The following RAD54L2 variants were observed in gnomAD, a reference collection of about 807,000 sequenced individuals.
The protein encoded by RAD54L2 is helicase ARIP4.
RAD54L2 carries 27 observed loss-of-function variants against 138.4 expected under a neutral mutation model. That is an observed-to-expected ratio of 0.20 (90% CI 0.14 to 0.27). The LOEUF is 0.27. RAD54L2 is among the 10% of genes least tolerant of loss of function. The pLI is 1.00. For synonymous variants in RAD54L2, 644 were observed against 723.2 expected (o/e 0.89, Z 1.76); for missense variants, 1,396 against 1,890.2 (o/e 0.74, Z 4.85).
chr3:51,549,795 A>AG (rs1236852915), intron 2 of RAD54L2, among the ~76,000 whole-genome samples: 29 of 149,414 alleles, frequency 1.9e-4, no homozygotes, highest in African/African-American at 6.9e-4. Flanking sequence ...AAAAAAAAAA[A>AG]GGGGGTGGGG....
chr3:51,553,536 A>T (rs925557211), intron 2 of RAD54L2, among the ~76,000 whole-genome samples: 1 of 152,212 alleles, frequency 6.6e-6, no homozygotes, highest in African/African-American at 2.4e-5. Flanking sequence ...TATAAAAGTT[A>T]TGTGTACAGG....
chr3:51,571,823 GT>G lies in RAD54L2; in HGVS notation c.-54-18535del, dbSNP rs915063790. Among the ~76,000 whole-genome samples, 20 of 150,960 alleles carry G rather than the reference GT, an allele frequency of 1.3e-4. 1 individual carries two copies. In the Middle Eastern group the frequency reaches 0.01, roughly 78 times the overall value. Reference sequence around the variant, plus strand: ...TTATTTTCCACTTATAGAAATAGGGGTTTTTTTTTACTTCATTTTTTATTAT... The same window carrying G: ...TTATTTTCCACTTATAGAAATAGGGGTTTTTTTTACTTCATTTTTTATTAT... On this transcript the variant is annotated intron_variant, in intron 2 of 22. Coordinates refer to ENST00000684192, the MANE Select transcript of RAD54L2 (RefSeq NM_015106.4).
At chr3:51,659,122 T>C (rs1001308233) in intron 21 of RAD54L2, among the ~76,000 whole-genome samples, 5 of 148,236 alleles carry the variant, frequency 3.4e-5, no homozygotes, top group East Asian at 1.9e-4. Flanking sequence ...TTTTTTTTTT[T>C]TGAGGCAGAG....
intron 3 of RAD54L2, among the ~76,000 whole-genome samples, chr3:51,592,875 A>G (rs1220799038): frequency 2.0e-5 from 3 of 152,148 alleles, no homozygotes; most frequent in Non-Finnish European, 4.4e-5. Flanking sequence ...CCCGGCCTAA[A>G]GCTTTTCTTT....
At chr3:51,598,777 G>T (rs1280450778) in intron 3 of RAD54L2, among the ~76,000 whole-genome samples, 1 of 152,006 alleles carries the variant, frequency 6.6e-6, no homozygotes, top group Non-Finnish European at 1.5e-5. Flanking sequence ...AAACCCTAGA[G>T]GACTGAGTTT....
chr3:51,598,635 A>G (rs555929945), intron 3 of RAD54L2, among the ~76,000 whole-genome samples: 2 of 152,106 alleles, frequency 1.3e-5, no homozygotes, highest in Non-Finnish European at 2.9e-5. Context: ...GCACGCCTGT[A>G]ATCCCAGCTA....
intron 3 of RAD54L2, among the ~76,000 whole-genome samples, chr3:51,614,034 G>GT (rs1338365529): frequency 6.6e-6 from 1 of 152,174 alleles, no homozygotes; most frequent in Admixed American, 6.5e-5. Context: ...AATCCCAAAT[G>GT]TTAGTAGTGC....
chr3:51,571,207 TCAGC>T (rs901009165), intron 2 of RAD54L2, among the ~76,000 whole-genome samples: 5 of 152,136 alleles, frequency 3.3e-5, no homozygotes, highest in Non-Finnish European at 5.9e-5. Context: ...AAAATAAAGG[TCAGC>T]CACTTTTTCC....
Position 51,662,915 on chromosome 3 carries a change from C to G in RAD54L2, c.3899C>G (p.Ser1300Cys), listed in dbSNP as rs757512941. ...GGCGGGTTTGCCATGCCACCCGTCT[C>G]CTTAAACCATAACCTCACCACCCCC... ...VSGGFAMPPVSLNHNLTTPFT... is the reference protein window; with the variant it reads ...VSGGFAMPPVCLNHNLTTPFT... The change falls in exon 23 of 23, where the codon TCC becomes TGC. Residue 1300 changes from serine to cysteine, a missense_variant. Coordinates refer to ENST00000684192, the MANE Select transcript of RAD54L2 (RefSeq NM_015106.4). This position sits in a 1 kb window ranked among gnomAD's most constrained non-coding sequence, Gnocchi z 4.6. The G allele has an allele frequency of 6.2e-7, 1 of 1,613,828 alleles. No individual in the cohort carries two copies. The highest frequency in any genetic ancestry group is 1.1e-5 in the South Asian group (1 of 91,046).
intron 3 of RAD54L2, among the ~76,000 whole-genome samples, chr3:51,613,075 G>T (rs968054191): frequency 6.6e-6 from 1 of 152,022 alleles, no homozygotes; most frequent in Non-Finnish European, 1.5e-5. Flanking sequence ...GAGTAACTGG[G>T]ACTACAGGCG....
chr3:51,547,593 T>C (rs1277309696), intron 2 of RAD54L2, among the ~76,000 whole-genome samples: 1 of 150,950 alleles, frequency 6.6e-6, no homozygotes, highest in Non-Finnish European at 1.5e-5. Context: ...TTTTTTTTTT[T>C]ACATTTGAGA....
At chr3:51,558,885 T>C (rs1371974851) in intron 2 of RAD54L2, among the ~76,000 whole-genome samples, 2 of 152,086 alleles carry the variant, frequency 1.3e-5, no homozygotes, top group African/African-American at 4.8e-5. Flanking sequence ...AAATAGCCTA[T>C]TTATTTTTGA....
At position 51,637,220 on chromosome 3, in the gene RAD54L2, C is replaced by T; in HGVS notation, c.1399C>T (p.Arg467Cys). The change falls in exon 11 of 23, where the codon CGC becomes TGC. Residue 467 changes from arginine (R) to cysteine (C), a missense_variant. By Grantham distance (180) the Arg-to-Cys change is radical (BLOSUM62 -3). This residue lies in a region of RAD54L2 where 169 missense variants were observed against 235.6 expected (regional missense o/e 0.72). Coordinates refer to ENST00000684192, the MANE Select transcript of RAD54L2 (RefSeq NM_015106.4). This position sits in a 1 kb window ranked among gnomAD's most constrained non-coding sequence, Gnocchi z 5.9. ...PDVVICDEGHRIKNCQASTSQ... is the reference protein window; with the variant it reads ...PDVVICDEGHCIKNCQASTSQ... The stretch of plus-strand genomic sequence containing the variant: ...TGTAGTAATCTGTGATGAGGGACAC[C>T]GCATCAAAAACTGCCAGGCCAGCAC... The T allele has an allele frequency of 1.3e-6, 2 of 1,595,050 alleles. No homozygotes were observed. Among genetic ancestry groups the T allele is most frequent in the Admixed American group, 1.8e-5 (1 of 56,904 alleles).
At chr3:51,651,794 A>G (rs1489163514) in intron 19 of RAD54L2, among the ~76,000 whole-genome samples, 5 of 152,224 alleles carry the variant, frequency 3.3e-5, no homozygotes, top group Non-Finnish European at 7.3e-5. Context: ...TCTCAAAATA[A>G]TAAGAGCTAT....
At position 51,660,475 on chromosome 3, in the gene RAD54L2, A is replaced by AT. The variant is rs1000499418; in HGVS notation, c.3409+366dup. 2.3e-3 allele frequency among the ~76,000 whole-genome samples: 351 copies of AT among 149,376 alleles called. 1 individual carries two copies. The highest frequency in any genetic ancestry group is 8.3e-3 in the African/African-American group (335 of 40,540). The stretch of plus-strand genomic sequence containing the variant: ...AGGCGCCCGCCACCACACCTGGCTA[A>AT]TTTTTTTTTGTATTTTTAGTAGAGA... On this transcript the variant is annotated intron_variant, in intron 22 of 22. Transcript: ENST00000684192.
In RAD54L2 at chr3:51,662,633, C is replaced by G. The variant is rs778374077; in HGVS notation, c.3617C>G (p.Pro1206Arg). 1.2e-6 allele frequency: 2 copies of G among 1,612,308 alleles called. No individual in the cohort carries two copies. The highest frequency in any genetic ancestry group is 1.7e-6 in the Non-Finnish European group (2 of 1,179,042). ...ACCAATGCCGCCCTGCCTGGCCCCC[C>G]GGCCCAACTTATGGACAGCAGTGCT... ...PSTNAALPGPPAQLMDSSAVP... is the reference protein window; with the variant it reads ...PSTNAALPGPRAQLMDSSAVP... The change falls in exon 23 of 23, where the codon CCG becomes CGG. Residue 1206 changes from proline to arginine, a missense_variant. By Grantham distance (103) the Pro-to-Arg change is moderately radical (BLOSUM62 -2). Coordinates refer to ENST00000684192, the MANE Select transcript of RAD54L2 (RefSeq NM_015106.4). This position sits in a 1 kb window ranked among gnomAD's most constrained non-coding sequence, Gnocchi z 4.6.
chr3:51,633,795 C>T (rs549306746), intron 8 of RAD54L2, 36 bp downstream of exon 8: 2 of 1,611,588 alleles, frequency 1.2e-6, no homozygotes, highest in South Asian at 1.1e-5. Context: ...TTAAGTCACT[C>T]CTGAAGAGCT....
chr3:51,576,329 C>T (rs1699480915), intron 2 of RAD54L2, among the ~76,000 whole-genome samples: 1 of 152,078 alleles, frequency 6.6e-6, no homozygotes, highest in South Asian at 2.1e-4. Context: ...GTGTCTTTGC[C>T]AGGCTTTGGT....
At chr3:51,600,179 T>C (rs1700050011) in intron 3 of RAD54L2, among the ~76,000 whole-genome samples, 1 of 152,012 alleles carries the variant, frequency 6.6e-6, no homozygotes, top group Non-Finnish European at 1.5e-5. Flanking sequence ...CCTGACCTTG[T>C]GATCCGCCTG....
Sources: gnomAD v4.1 joint callset for allele counts (sites outside exome capture counted in the v4.1 genomes callset) on GRCh38, gnomAD v4.1.1 for gene constraint, gnomAD v4.1.1 regional missense constraint, Gnocchi (gnomAD v3.1) non-coding constraint, MANE v1.5 for transcripts, NCBI Gene and HGNC (gene_info 2026-07-23, HGNC 2026-07-21) for gene names.